MARCHF1: variants seen among roughly 807,000 people sequenced by gnomAD.
MARCHF1 encodes the protein membrane associated ring-CH-type finger 1.
MARCHF1 carries 40 observed loss-of-function variants against 54.2 expected under a neutral mutation model. The ratio of observed to expected loss-of-function variants is 0.74; its 90% CI spans 0.57 to 0.96. The LOEUF is 0.96. Ranked by LOEUF, MARCHF1 falls within the 40% of genes least tolerant of loss-of-function variation. The probability of loss-of-function intolerance (pLI) is 0.00; values close to 1 mark genes in which losing one functional copy is unlikely to be tolerated. For missense variants in MARCHF1, 586 were observed against 656.5 expected (o/e 0.89, Z 1.17); for synonymous variants, 236 against 236.3 (o/e 1.00, Z 0.01).
chr4:163,731,002 T>A (rs1475841101), intron 4 of MARCHF1, among the ~76,000 whole-genome samples: 6 of 152,198 alleles, frequency 3.9e-5, no homozygotes, highest in African/African-American at 1.4e-4. Flanking sequence ...TTTCTCCTCT[T>A]CCCTATATAT....
intron 1 of MARCHF1, among the ~76,000 whole-genome samples, chr4:164,194,868 G>A (rs1731212210): frequency 6.6e-6 from 1 of 152,008 alleles, no homozygotes; most frequent in South Asian, 2.1e-4. Context: ...AGATATATAT[G>A]TGCCATGGAG....
At position 164,179,999 on chromosome 4, in the gene MARCHF1, G is replaced by A. The variant is rs180743045; in HGVS notation, c.-322-68337C>T. 1.2e-3 allele frequency among the ~76,000 whole-genome samples: 181 copies of A among 149,276 alleles called. 1 individual carries two copies. The highest frequency in any genetic ancestry group is 1.0e-3 in the Non-Finnish European group (70 of 67,342). On this transcript the variant is annotated intron_variant, in intron 1 of 9. Coordinates refer to ENST00000514618, the MANE Select transcript of MARCHF1 (RefSeq NM_001394959.1). Reference sequence around the variant, plus strand: ...TAAAACTTCTGATGTTGGACATTTGGGTTCATTCACCACTGACTCTGTAGC... The same window carrying A: ...TAAAACTTCTGATGTTGGACATTTGAGTTCATTCACCACTGACTCTGTAGC...
At chr4:163,932,589 T>C (rs574831408) in intron 3 of MARCHF1, 122 of 382,310 alleles carry the variant, frequency 3.2e-4, no homozygotes, top group African/African-American at 2.2e-3. Flanking sequence ...CATGGGTACC[T>C]GCATGAAGGC....
At position 163,863,818 on chromosome 4, in the gene MARCHF1, C is replaced by T. The variant is rs78031260; in HGVS notation, c.-38-9649G>A. Among the ~76,000 whole-genome samples, 1,122 of 151,898 alleles carry T rather than the reference C, an allele frequency of 7.4e-3. 10 individuals are homozygous for T. The highest frequency in any genetic ancestry group is 0.026 in the African/African-American group (1,081 of 41,462). ...GATGAGCCTGGAGAAACTTGTAGCG[C>T]TAGAAAGTAAGGAAATGCTTAAAAA... On this transcript the variant is annotated intron_variant, in intron 3 of 9. Transcript: ENST00000514618.
Position 164,146,244 on chromosome 4 carries a change from T to C in MARCHF1, c.-322-34582A>G, listed in dbSNP as rs1183079534. ...ATCAATATCGTGAAAATGGCCATAC[T>C]GCCCAAGGTAATTTACAGATTCCAT... On this transcript the variant is annotated intron_variant, in intron 1 of 9. Coordinates refer to ENST00000514618, the MANE Select transcript of MARCHF1 (RefSeq NM_001394959.1). Among the ~76,000 whole-genome samples the C allele has an allele frequency of 4.7e-5, 7 of 148,106 alleles. No homozygotes were observed. The South Asian group carries it at 1.5e-3, about 32-fold the overall frequency.
At chr4:163,890,066 A>G (rs1386885323) in intron 3 of MARCHF1, among the ~76,000 whole-genome samples, 2 of 150,296 alleles carry the variant, frequency 1.3e-5, no homozygotes, top group African/African-American at 4.9e-5. Flanking sequence ...CTGGGACTAT[A>G]AACACCCACC....
At chr4:164,340,401 T>G (rs2110839759) in intron 1 of MARCHF1, among the ~76,000 whole-genome samples, 1 of 66,996 alleles carries the variant, frequency 1.5e-5, no homozygotes, top group South Asian at 5.8e-4. Flanking sequence ...CACCAGGCCT[T>G]GATTTATATA....
chr4:163,636,938 G>T (rs561410297), intron 5 of MARCHF1, among the ~76,000 whole-genome samples: 1 of 152,046 alleles, frequency 6.6e-6, no homozygotes, highest in Non-Finnish European at 1.5e-5. Context: ...CAGAAATAAC[G>T]CTGCATATCT....
intron 2 of MARCHF1, among the ~76,000 whole-genome samples, chr4:164,046,390 C>T (rs1051146176): frequency 3.3e-5 from 5 of 152,128 alleles, no homozygotes; most frequent in African/African-American, 1.2e-4. Context: ...GTATTGTCTC[C>T]AATACATAAT....
At chr4:163,636,354 T>C (rs1742323270) in intron 5 of MARCHF1, among the ~76,000 whole-genome samples, 1 of 143,110 alleles carries the variant, frequency 7.0e-6, no homozygotes, top group African/African-American at 2.5e-5. Context: ...CCCCATTGTC[T>C]CAGCCCAAAG....
chr4:163,875,965 CCATAAGGA>C (rs757219233), intron 3 of MARCHF1, among the ~76,000 whole-genome samples: 14 of 151,678 alleles, frequency 9.2e-5, no homozygotes, highest in Admixed American at 6.6e-5. Context: ...GAACACAGAA[CCATAAGGA>C]CATAAGGACA....
intron 4 of MARCHF1, among the ~76,000 whole-genome samples, chr4:163,745,094 G>A (rs889307084): frequency 1.5e-4 from 23 of 150,416 alleles, no homozygotes; most frequent in South Asian, 4.2e-4. Context: ...TTGCATGCTC[G>A]TTTTTTCTTT....
At chr4:163,761,725 C>T (rs1413112018) in intron 4 of MARCHF1, among the ~76,000 whole-genome samples, 2 of 152,168 alleles carry the variant, frequency 1.3e-5, no homozygotes, top group Non-Finnish European at 2.9e-5. Context: ...AGTTGACACA[C>T]TACAAAGCCA....
intron 4 of MARCHF1, among the ~76,000 whole-genome samples, chr4:163,725,768 C>G (rs58300113): frequency 6.6e-6 from 1 of 152,084 alleles, no homozygotes; most frequent in Admixed American, 6.5e-5. Flanking sequence ...AAAACTTATT[C>G]AAGCTTTCCA....
At chr4:163,565,498 A>G (rs11728585) in intron 8 of MARCHF1, among the ~76,000 whole-genome samples, 65,381 of 152,080 alleles carry the variant, frequency 0.43, 14,454 homozygotes, top group East Asian at 0.51. Context: ...TCAAGATTGC[A>G]AACAATCTAC....
At chr4:164,324,858 T>G (rs1183387016) in intron 1 of MARCHF1, among the ~76,000 whole-genome samples, 1 of 151,572 alleles carries the variant, frequency 6.6e-6, no homozygotes, top group Non-Finnish European at 1.5e-5. Flanking sequence ...TTGAGTGATT[T>G]ATATAACCAA....
intron 3 of MARCHF1, among the ~76,000 whole-genome samples, chr4:163,879,167 T>C (rs190879694): frequency 2.6e-4 from 40 of 152,308 alleles, no homozygotes; most frequent in African/African-American, 9.4e-4. Context: ...TTTGTGTAAC[T>C]TGCATACATT....
chr4:164,208,201 G>A (rs1454075430), intron 1 of MARCHF1, among the ~76,000 whole-genome samples: 3 of 152,156 alleles, frequency 2.0e-5, no homozygotes. Context: ...GAGGGGCCCA[G>A]GCCTGCTAGG....
intron 8 of MARCHF1, among the ~76,000 whole-genome samples, chr4:163,559,905 G>A (rs1739412233): frequency 6.6e-6 from 1 of 151,936 alleles, no homozygotes; most frequent in African/African-American, 2.4e-5. Context: ...AAAATTTCTT[G>A]CCCATTTTTC....
Sources: gnomAD v4.1 joint callset for allele counts (sites outside exome capture counted in the v4.1 genomes callset) on GRCh38, gnomAD v4.1.1 for gene constraint, MANE v1.5 for transcripts, NCBI Gene and HGNC (gene_info 2026-07-23, HGNC 2026-07-21) for gene names.